The following JHY variants were observed in gnomAD, a reference collection of about 807,000 sequenced individuals.
JHY encodes junctional cadherin complex regulator, also known as jhy protein homolog.
A neutral mutation model predicts 78.0 loss-of-function variants in JHY; 69 were observed. The observed-to-expected ratio is 0.88, with a 90% CI of 0.73 to 1.08. The LOEUF (loss-of-function observed/expected upper bound fraction) is 1.08, where lower values mean the gene tolerates loss of function less well. Among genes scored for constraint, JHY ranks in the 50% least tolerant of loss-of-function variants. The pLI is 0.00. For synonymous variants in JHY, 368 were observed against 342.6 expected, an observed-to-expected ratio of 1.07 and a Z score of -0.82; for missense variants, 944 against 927.8, an observed-to-expected ratio of 1.02 and a Z score of -0.23.
intron 2 of JHY, among the ~76,000 whole-genome samples, chr11:122,890,683 T>C (rs1862595509): frequency 6.6e-6 from 1 of 152,206 alleles, no homozygotes; most frequent in African/African-American, 2.4e-5. Context: ...CAATCTAATA[T>C]GTTTCAAAAT....
In JHY at chr11:122,911,905, C is replaced by CAAAA. The variant is rs59941995; in HGVS notation, c.864+7488_864+7491dup. ...GGGCAAGAAGAGCGAAACTCTGTCTCAAAAAAAAAAAAAAAAAAAAAAAAA... is the reference window on the plus strand; with the variant it reads ...GGGCAAGAAGAGCGAAACTCTGTCTCAAAAAAAAAAAAAAAAAAAAAAAAAAAAA... On this transcript the variant is annotated intron_variant, in intron 3 of 8. Transcript: ENST00000227349. 3.0e-3 allele frequency among the ~76,000 whole-genome samples: 147 copies of CAAAA among 49,740 alleles called. 1 individual carries two copies. Among genetic ancestry groups the CAAAA allele is most frequent in the African/African-American group, 7.8e-3 (96 of 12,364 alleles). The allele number at this position is 49,740 out of a possible 152,430, so 32.6% of individuals were successfully genotyped here.
At chr11:122,943,130 C>T (rs573917309) in intron 5 of JHY, among the ~76,000 whole-genome samples, 1 of 152,318 alleles carries the variant, frequency 6.6e-6, no homozygotes, top group Admixed American at 6.5e-5. Flanking sequence ...CTGCCTCAGC[C>T]CCTTGAGCTG....
intron 4 of JHY, among the ~76,000 whole-genome samples, chr11:122,925,419 A>T (rs946036869): frequency 6.6e-6 from 1 of 152,214 alleles, no homozygotes; most frequent in Non-Finnish European, 1.5e-5. Context: ...TGAAAACTGG[A>T]TGGGAATTCC....
At chr11:122,941,265 C>G (rs1289132446) in intron 5 of JHY, among the ~76,000 whole-genome samples, 1 of 152,152 alleles carries the variant, frequency 6.6e-6, no homozygotes, top group Non-Finnish European at 1.5e-5. Context: ...GTACCTGAAC[C>G]TCTTTCTATA....
chr11:122,887,866 G>A (rs1380476431), intron 2 of JHY, among the ~76,000 whole-genome samples: 2 of 152,116 alleles, frequency 1.3e-5, no homozygotes, highest in African/African-American at 4.8e-5. Context: ...GGTATTGGAA[G>A]ATACATTTTC....
intron 4 of JHY, among the ~76,000 whole-genome samples, chr11:122,931,083 G>A (rs574802356): frequency 6.6e-6 from 1 of 152,096 alleles, no homozygotes; most frequent in African/African-American, 2.4e-5. Flanking sequence ...GGAGGGCTCC[G>A]TCCTGCTGAC....
Position 122,962,348 on chromosome 11 carries a change from G to GT in JHY, c.*2904dup. ...GTATACATTTTACATATACCAAAAT[G>GT]TAGCATAAAAGATGCCTGTATGAAA... On this transcript the variant is annotated 3_prime_UTR_variant, in exon 9 of 9. Transcript: ENST00000227349. Among the ~76,000 whole-genome samples the GT allele has an allele frequency of 6.6e-6, 1 of 152,290 alleles. No homozygotes were observed. The highest frequency in any genetic ancestry group is 1.9e-4 in the East Asian group (1 of 5,184).
intron 6 of JHY, among the ~76,000 whole-genome samples, chr11:122,950,846 G>T (rs754541520): frequency 6.6e-6 from 1 of 152,184 alleles, no homozygotes; most frequent in Non-Finnish European, 1.5e-5. Context: ...AGGAAAATTT[G>T]CAATTGCTGC....
At chr11:122,947,790 G>T (rs1483950882) in intron 6 of JHY, among the ~76,000 whole-genome samples, 2 of 152,186 alleles carry the variant, frequency 1.3e-5, no homozygotes. Context: ...CTTTAAGGGA[G>T]TGAGGGAAGC....
At chr11:122,909,339 CATAAT>C (rs1863063447) in intron 3 of JHY, among the ~76,000 whole-genome samples, 1 of 152,102 alleles carries the variant, frequency 6.6e-6, no homozygotes, top group African/African-American at 2.4e-5. Flanking sequence ...GAAAGTAAAA[CATAAT>C]GGCCAAGAGT....
chr11:122,905,443 C>A, intron 3 of JHY: 1 of 1,314,326 alleles, frequency 7.6e-7, no homozygotes, highest in Non-Finnish European at 9.7e-7. Flanking sequence ...AGACCTATTC[C>A]AAATCCCAAC....
intron 2 of JHY, among the ~76,000 whole-genome samples, chr11:122,895,129 T>C (rs1862712330): frequency 6.6e-6 from 1 of 152,214 alleles, no homozygotes; most frequent in African/African-American, 2.4e-5. Flanking sequence ...CAATGATCAG[T>C]TTTATAGTTC....
intron 3 of JHY, among the ~76,000 whole-genome samples, chr11:122,911,125 T>C (rs1346299955): frequency 6.8e-6 from 1 of 146,168 alleles, no homozygotes; most frequent in African/African-American, 2.8e-5. Flanking sequence ...AAGGAAACTG[T>C]GTTTTGAAAA....
intron 6 of JHY, among the ~76,000 whole-genome samples, chr11:122,951,990 C>CTTTTTT (rs768377869): frequency 1.5e-5 from 2 of 133,464 alleles, no homozygotes; most frequent in African/African-American, 5.5e-5. Context: ...TGTTGATTTA[C>CTTTTTT]TTTTTTTTTT....
intron 3 of JHY, among the ~76,000 whole-genome samples, chr11:122,924,567 T>C (rs1202810344): frequency 6.6e-6 from 1 of 152,210 alleles, no homozygotes; most frequent in African/African-American, 2.4e-5. Flanking sequence ...GTGTTTCTAT[T>C]GGTGTGATCA....
chr11:122,910,090 T>TA (rs34912893), intron 3 of JHY, among the ~76,000 whole-genome samples: 12,320 of 149,450 alleles, frequency 0.082, 544 homozygotes, highest in Middle Eastern at 0.095. Flanking sequence ...CTGCAGCTGT[T>TA]AAAAAAAAAA....
In JHY at chr11:122,946,451, T is replaced by C. The variant is rs777491179; in HGVS notation, c.1635-47T>C. The C allele has an allele frequency of 2.6e-6, 4 of 1,520,464 alleles. No homozygotes were observed. The Admixed American group carries it at 9.0e-5, about 34-fold the overall frequency. The allele number at this position is 1,520,464 out of a possible 1,614,324, so 94.2% of individuals were successfully genotyped here. A position where few individuals can be genotyped will look rare whatever the true frequency, so the allele number is the denominator to read the frequency against. ...AGACTTTTATGCTAGATGTCTTATGTATTTGGATTTTATTAATAGATTTGT... is the reference window on the plus strand; with the variant it reads ...AGACTTTTATGCTAGATGTCTTATGCATTTGGATTTTATTAATAGATTTGT... On this transcript the variant is annotated intron_variant, in intron 5 of 8. Transcript: ENST00000227349.
At chr11:122,884,309 G>A (rs191742987) in intron 1 of JHY, among the ~76,000 whole-genome samples, 2 of 152,170 alleles carry the variant, frequency 1.3e-5, no homozygotes, top group Admixed American at 1.3e-4. Context: ...AACATTATAA[G>A]CAATCCTAGG....
chr11:122,896,691 A>G (rs752599074), intron 2 of JHY, among the ~76,000 whole-genome samples: 1 of 152,236 alleles, frequency 6.6e-6, no homozygotes, highest in Non-Finnish European at 1.5e-5. Context: ...ATCCATCACC[A>G]GAAGCACAAT....
Sources: gnomAD v4.1 joint callset for allele counts (sites outside exome capture counted in the v4.1 genomes callset) on GRCh38, gnomAD v4.1.1 for gene constraint, MANE v1.5 for transcripts, NCBI Gene and HGNC (gene_info 2026-07-23, HGNC 2026-07-21) for gene names.